The following FREM2 variants were observed in gnomAD, a reference collection of about 807,000 sequenced individuals.
FREM2 encodes FRAS1 related extracellular matrix 2, also known as FRAS1-related extracellular matrix protein 2.
In FREM2, 119 loss-of-function variants were observed where a neutral mutation model predicts 219.9. That is an observed-to-expected ratio of 0.54 (90% CI 0.47 to 0.63). The LOEUF (loss-of-function observed/expected upper bound fraction) is 0.63, where lower values mean the gene tolerates loss of function less well. Among genes scored for constraint, FREM2 ranks in the 30% least tolerant of loss-of-function variants. The probability of loss-of-function intolerance (pLI) is 0.00; values close to 1 mark genes in which losing one functional copy is unlikely to be tolerated. For missense variants in FREM2, 4,030 were observed against 3,993.6 expected, an observed-to-expected ratio of 1.01 and a Z score of -0.25; for synonymous variants, 1,562 against 1,522.8, an observed-to-expected ratio of 1.03 and a Z score of -0.60.
chr13:38,695,209 T>C (rs1870057930), intron 1 of FREM2, among the ~76,000 whole-genome samples: 1 of 152,202 alleles, frequency 6.6e-6, no homozygotes, highest in African/African-American at 2.4e-5. Flanking sequence ...GTAACGTGTG[T>C]TTATGTTATT....
At chr13:38,787,695 TTTA>T (rs369565708) in intron 6 of FREM2, among the ~76,000 whole-genome samples, 939 of 150,940 alleles carry the variant, frequency 6.2e-3, no homozygotes, top group Non-Finnish European at 0.01. Flanking sequence ...AATTAACTTA[TTTA>T]TTATTTATTA....
At chr13:38,830,373 T>G (rs1876459990) in intron 6 of FREM2, among the ~76,000 whole-genome samples, 1 of 152,224 alleles carries the variant, frequency 6.6e-6, no homozygotes, top group Admixed American at 6.5e-5. Context: ...GAAGCTCTTC[T>G]AGAATCTGAC....
Position 38,692,174 on chromosome 13 carries a change from G to A in FREM2, c.4830G>A (p.Glu1610=), listed in dbSNP as rs1294292735. The A allele has an allele frequency of 3.1e-6, 5 of 1,614,222 alleles. No individual in the cohort carries two copies. Among genetic ancestry groups the A allele is most frequent in the Non-Finnish European group, 4.2e-6 (5 of 1,180,034 alleles). The change falls in exon 1 of 24, where the codon GAG becomes GAA. Residue 1610 remains glutamate (E), a synonymous_variant. Coordinates refer to ENST00000280481, the MANE Select transcript of FREM2 (RefSeq NM_207361.6). ...TCAGCTACAAACATGATGGCACTGA[G>A]TCAAGTGAAGATAGCTTCTCCTTCA... ...NLISYKHDGT[E]SSEDSFSFTV... is the part of the protein sequence containing the mutation.
rs908250680 is a variant in FREM2 at position 38,886,778 on chromosome 13, C to T, written c.*5991C>T. On this transcript the variant is annotated 3_prime_UTR_variant, in exon 24 of 24. Transcript: ENST00000280481. ...TTATAATTGTATTACGTGCCTGCTT[C>T]CTTACCAAGTGCCCTCCATAACACT... The T allele has an allele frequency of 6.6e-6, 1 of 152,186 alleles. No homozygotes were observed. The highest frequency in any genetic ancestry group is 1.5e-5 in the Non-Finnish European group (1 of 68,036). 9.4% of individuals were successfully genotyped at this position (152,186 alleles called of 1,614,324 possible).
chr13:38,696,933 G>A (rs1157929682), intron 1 of FREM2, among the ~76,000 whole-genome samples: 3 of 151,126 alleles, frequency 2.0e-5, no homozygotes, highest in South Asian at 2.1e-4. Context: ...TCAGCCTCCC[G>A]AATAGCTGGG....
rs1356821232 is a variant in FREM2, at chr13:38,859,531, C to T, written c.7460C>T (p.Thr2487Ile). 1 of 1,614,032 alleles carries T rather than the reference C, an allele frequency of 6.2e-7. No individual in the cohort carries two copies. Residue 2487 changes from threonine (T) to isoleucine (I), a missense_variant, in exon 14 of 24, where the codon ACC (threonine) becomes ATC (isoleucine). Thr to Ile is a moderately conservative substitution (Grantham distance 89). This residue lies in a region of FREM2 where 928 missense variants were observed against 1,042.9 expected (regional missense o/e 0.89). Transcript: ENST00000280481. ...CAGTGCGCAGCTCGTGCTGTGAACA[C>T]CAATGGGGATGAAGGCCTGGAGCTC... Reference protein sequence around the residue: ...RVQCAARAVNTNGDEGLELMS... With the variant: ...RVQCAARAVNINGDEGLELMS...
chr13:38,744,203 C>CTTTTTTTTTTTTTTTTTTTTTTTTTTTTT (rs11308232), intron 2 of FREM2, among the ~76,000 whole-genome samples: 1 of 51,712 alleles, frequency 1.9e-5, no homozygotes, highest in African/African-American at 8.1e-5. Context: ...GAGGTAAATC[C>CTTTTTTTTTTTTTTTTTTTTTTTTTTTTT]TTTTTTTTTT....
chr13:38,846,449 A>G, intron 6 of FREM2, 124 bp from the exon 7 acceptor site: 7 of 970,874 alleles, frequency 7.2e-6, no homozygotes, highest in African/African-American at 1.6e-5. Context: ...CACTAAAAGG[A>G]AAAAAGTATG....
chr13:38,691,113 A>T lies in FREM2; in HGVS notation c.3769A>T (p.Ile1257Phe), dbSNP rs1869825563. 5 of 1,614,042 alleles carry T rather than the reference A, an allele frequency of 3.1e-6. No homozygotes were observed. In the Admixed American group the frequency reaches 5.0e-5, roughly 16 times the overall value. Reference protein sequence around the residue: ...VLVESFTLDQIIESSSIIYEH... With the variant: ...VLVESFTLDQFIESSSIIYEH... ...GGTCGAAAGCTTCACCTTGGATCAG[A>T]TCATAGAGAGTTCCAGCATTATTTA... Residue 1257 changes from isoleucine to phenylalanine, a missense_variant, in exon 1 of 24, where the codon ATC (isoleucine) becomes TTC (phenylalanine). This residue lies in a region of FREM2 where 3,102 missense variants were observed against 2,950.7 expected (regional missense o/e 1.05). Coordinates refer to ENST00000280481, the MANE Select transcript of FREM2 (RefSeq NM_207361.6).
At position 38,880,882 on chromosome 13, in the gene FREM2, A is replaced by C. The variant is rs1878523179; in HGVS notation, c.*95A>C. 1.5e-6 allele frequency: 2 copies of C among 1,375,620 alleles called. No homozygotes were observed. Among genetic ancestry groups the C allele is most frequent in the African/African-American group, 1.4e-5 (1 of 69,968 alleles). 85.2% of individuals were successfully genotyped at this position (1,375,620 alleles called of 1,614,324 possible). A position where few individuals can be genotyped will look rare whatever the true frequency, so the allele number is the denominator to read the frequency against. On this transcript the variant is annotated 3_prime_UTR_variant, in exon 24 of 24. Transcript: ENST00000280481. ...TCTGGTAAACCATAGAGAATGGAGG[A>C]TGGCTGTGATGAAGCTGCTTAGAGA... is the stretch of plus-strand genomic sequence containing the variant.
intron 2 of FREM2, among the ~76,000 whole-genome samples, chr13:38,701,658 T>C (rs188721587): frequency 3.0e-3 from 451 of 152,224 alleles, no homozygotes; most frequent in African/African-American, 0.01. Flanking sequence ...TATTGTGATG[T>C]GAAAGCTGGT....
intron 4 of FREM2, among the ~76,000 whole-genome samples, chr13:38,771,369 C>G (rs184916848): frequency 1.3e-4 from 20 of 152,166 alleles, no homozygotes; most frequent in African/African-American, 4.6e-4. Flanking sequence ...TAAATTGACT[C>G]GTTAGTTAAA....
At chr13:38,768,437 C>T (rs1423209907) in intron 3 of FREM2, among the ~76,000 whole-genome samples, 1 of 152,008 alleles carries the variant, frequency 6.6e-6, no homozygotes, top group African/African-American at 2.4e-5. Context: ...CCACCACACC[C>T]AGCTAATTTT....
At chr13:38,824,032 T>C (rs1172148918) in intron 6 of FREM2, among the ~76,000 whole-genome samples, 1 of 152,024 alleles carries the variant, frequency 6.6e-6, no homozygotes, top group Non-Finnish European at 1.5e-5. Context: ...GCTGAGAATA[T>C]GAAAATAATG....
rs1324388537 is a variant in FREM2, at chr13:38,857,871, C to G, written c.7057-4C>G. ...AATCAGTGATAATTGTCTTTTCCTT[C>G]TAGTTGACGAAAGCCATTGTGTACA... On this transcript the variant is annotated splice_polypyrimidine_tract_variant and splice_region_variant and intron_variant, in intron 12 of 23. Transcript: ENST00000280481. The G allele has an allele frequency of 6.2e-7, 1 of 1,611,386 alleles. No individual in the cohort carries two copies. Among genetic ancestry groups the G allele is most frequent in the Non-Finnish European group, 8.5e-7 (1 of 1,177,652 alleles).
intron 2 of FREM2, among the ~76,000 whole-genome samples, chr13:38,731,801 T>C (rs1871777017): frequency 6.6e-6 from 1 of 152,198 alleles, no homozygotes; most frequent in Admixed American, 6.5e-5. Context: ...AGTAGAATGA[T>C]TTATGTTAAA....
At chr13:38,720,811 A>G (rs553649241) in intron 2 of FREM2, among the ~76,000 whole-genome samples, 1 of 152,330 alleles carries the variant, frequency 6.6e-6, no homozygotes, top group Admixed American at 6.5e-5. Context: ...GAGTCCTCTC[A>G]ACCTCACTGG....
At chr13:38,804,451 T>C (rs548327405) in intron 6 of FREM2, among the ~76,000 whole-genome samples, 4 of 152,188 alleles carry the variant, frequency 2.6e-5, no homozygotes, top group South Asian at 2.1e-4. Context: ...ACTACATGCA[T>C]GTAGCAAATC....
chr13:38,816,488 A>G (rs1593425039), intron 6 of FREM2, among the ~76,000 whole-genome samples: 2 of 152,192 alleles, frequency 1.3e-5, no homozygotes, highest in South Asian at 2.1e-4. Context: ...TTAAAATATC[A>G]TTTCAATAGA....
Sources: allele counts gnomAD v4.1 joint callset (sites outside exome capture counted in the v4.1 genomes callset), GRCh38; gene constraint gnomAD v4.1.1; regional missense constraint gnomAD v4.1.1; transcripts MANE v1.5; gene names NCBI Gene and HGNC (gene_info 2026-07-23, HGNC 2026-07-21).